Variants in TENM2 observed in about 807,000 individuals in gnomAD.
TENM2 encodes teneurin-2.
A neutral mutation model predicts 245.2 loss-of-function variants in TENM2; 52 were observed. That is an observed-to-expected ratio of 0.21 (90% CI 0.17 to 0.27). TENM2 has a LOEUF of 0.27. Among genes scored for constraint, TENM2 ranks in the 10% least tolerant of loss-of-function variants. TENM2 has a pLI of 1.00. For synonymous variants in TENM2, 1,363 were observed against 1,438.9 expected, an observed-to-expected ratio of 0.95 and a Z score of 1.19; for missense variants, 3,046 against 3,666.8, an observed-to-expected ratio of 0.83 and a Z score of 4.37.
chr5:167,385,301 T>G (rs951372657), intron 2 of TENM2, among the ~76,000 whole-genome samples: 5 of 152,122 alleles, frequency 3.3e-5, no homozygotes, highest in Non-Finnish European at 7.4e-5. Flanking sequence ...ACTATAGTTA[T>G]GTCTCCCTTC....
the TENM2 span, among the ~76,000 whole-genome samples, chr5:167,092,334 GAGAC>G: frequency 6.6e-6 from 1 of 150,990 alleles, no homozygotes; most frequent in Non-Finnish European, 1.5e-5. Context: ...AGTGATTGTA[GAGAC>G]AGACTGACTG....
rs1554138181 is a variant in TENM2 at position 167,353,334 on chromosome 5, G to GGC, written c.227-21863_227-21862insCG. Among the ~76,000 whole-genome samples, 9 of 105,368 alleles carry GGC rather than the reference G, an allele frequency of 8.5e-5. No homozygotes were observed. The South Asian group carries it at 1.3e-3, about 15-fold the overall frequency. The allele number at this position is 105,368 out of a possible 152,430, so 69.1% of individuals were successfully genotyped here. ...ACTCTGTAATGTGCAGGGGGGTGGT[G>GGC]GGGGTGCAGAAAGTTTATTGCTTGA... On this transcript the variant is annotated intron_variant, in intron 1 of 28. Transcript: ENST00000518659.
intron 17 of TENM2, among the ~76,000 whole-genome samples, chr5:168,200,892 A>G (rs1348484421): frequency 6.6e-6 from 1 of 152,350 alleles, no homozygotes; most frequent in Non-Finnish European, 1.5e-5. Flanking sequence ...TCTCTTCACC[A>G]ATAGTCGTGT....
intron 1 of TENM2, among the ~76,000 whole-genome samples, chr5:167,353,441 C>T (rs1348830107): frequency 6.7e-6 from 1 of 150,004 alleles, no homozygotes; most frequent in South Asian, 2.1e-4. Context: ...GCTTTGGGTC[C>T]GTCCAAGTGA....
intron 2 of TENM2, among the ~76,000 whole-genome samples, chr5:167,607,344 A>G (rs935894286): frequency 6.6e-6 from 1 of 152,208 alleles, no homozygotes; most frequent in Non-Finnish European, 1.5e-5. Flanking sequence ...TTGTTCTCCC[A>G]GAGAATCCAA....
the TENM2 span, among the ~76,000 whole-genome samples, chr5:167,266,923 T>C: frequency 2.0e-5 from 3 of 152,208 alleles, no homozygotes; most frequent in African/African-American, 7.2e-5. Context: ...TCTTCAGTTG[T>C]GGTGTGTGGG....
chr5:168,058,800 A>G (rs567576522), intron 6 of TENM2, among the ~76,000 whole-genome samples: 29 of 152,192 alleles, frequency 1.9e-4, no homozygotes, highest in African/African-American at 6.3e-4. Context: ...TTTTCATTCC[A>G]TGTAAGAACT....
chr5:167,931,569 A>C (rs1284673731), intron 3 of TENM2, among the ~76,000 whole-genome samples: 2 of 151,886 alleles, frequency 1.3e-5, no homozygotes, highest in South Asian at 2.1e-4. Context: ...AAAAAAAAAA[A>C]AACAAGAAAC....
chr5:168,167,862 T>G (rs912802261), intron 13 of TENM2, among the ~76,000 whole-genome samples: 1 of 152,166 alleles, frequency 6.6e-6, no homozygotes, highest in Non-Finnish European at 1.5e-5. Flanking sequence ...TGGTGTGAAG[T>G]TTAAGTGAGA....
At chr5:167,903,111 T>C (rs569571085) in intron 3 of TENM2, among the ~76,000 whole-genome samples, 43 of 152,324 alleles carry the variant, frequency 2.8e-4, no homozygotes, top group African/African-American at 1.0e-3. Flanking sequence ...TTTGTCAATA[T>C]TCAATAACAT....
chr5:167,640,842 CATAT>C (rs60136419), intron 2 of TENM2, among the ~76,000 whole-genome samples: 4,365 of 75,474 alleles, frequency 0.058, 502 homozygotes, highest in African/African-American at 0.16. Context: ...TATATATATC[CATAT>C]ATATATATAT....
At chr5:168,001,290 G>A (rs184627379) in intron 5 of TENM2, among the ~76,000 whole-genome samples, 30 of 152,296 alleles carry the variant, frequency 2.0e-4, no homozygotes, top group Non-Finnish European at 2.9e-4. Flanking sequence ...CCTCTAGCAG[G>A]AATCTGTGAT....
At chr5:167,850,048 G>A (rs1405471160) in intron 2 of TENM2, among the ~76,000 whole-genome samples, 1 of 152,116 alleles carries the variant, frequency 6.6e-6, no homozygotes, top group Non-Finnish European at 1.5e-5. Flanking sequence ...AGGATGGGCT[G>A]AAAGTCCCAA....
intron 2 of TENM2, among the ~76,000 whole-genome samples, chr5:167,531,676 C>T (rs532946390): frequency 6.6e-6 from 1 of 151,538 alleles, no homozygotes; most frequent in South Asian, 2.1e-4. Flanking sequence ...TTTCTCCTCT[C>T]TAAGTTCAAT....
chr5:167,861,490 C>T (rs1045169929), intron 2 of TENM2, among the ~76,000 whole-genome samples: 2 of 152,216 alleles, frequency 1.3e-5, no homozygotes, highest in Non-Finnish European at 2.9e-5. Context: ...TACATCGTCA[C>T]ATGCGAAGAA....
At chr5:167,206,566 A>AT in the TENM2 span, among the ~76,000 whole-genome samples, 1 of 152,198 alleles carries the variant, frequency 6.6e-6, no homozygotes, top group African/African-American at 2.4e-5. Context: ...CCATTGAGCA[A>AT]TCTCACATAA....
chr5:167,303,715 C>T lies in TENM2; in HGVS notation c.226+18652C>T, dbSNP rs558028220. ...TCTCCTTTTCAATGTGAATATGTAT[C>T]GAGACTATGAATAGCTAAGTAAAGG... On this transcript the variant is annotated intron_variant, in intron 1 of 28. Coordinates refer to ENST00000518659, the Ensembl canonical transcript of TENM2. Among the ~76,000 whole-genome samples the T allele has an allele frequency of 2.2e-4, 34 of 152,130 alleles. No homozygotes were observed. In the South Asian group the frequency reaches 6.0e-3, roughly 27 times the overall value.
intron 9 of TENM2, among the ~76,000 whole-genome samples, chr5:168,102,840 A>C (rs1451538477): frequency 6.6e-6 from 1 of 152,178 alleles, no homozygotes; most frequent in Non-Finnish European, 1.5e-5. Flanking sequence ...TACTTAATAG[A>C]TACTCTTATT....
At chr5:167,961,766 C>T (rs960037357) in intron 4 of TENM2, among the ~76,000 whole-genome samples, 3 of 152,162 alleles carry the variant, frequency 2.0e-5, no homozygotes, top group Non-Finnish European at 4.4e-5. Context: ...AAGTCTAAAG[C>T]TTCAGAAAGA....
Sources: gnomAD v4.1 joint callset for allele counts (sites outside exome capture counted in the v4.1 genomes callset) on GRCh38, gnomAD v4.1.1 for gene constraint, MANE v1.5 for transcripts, NCBI Gene and HGNC (gene_info 2026-07-23, HGNC 2026-07-21) for gene names.